The following ACSF3 variants were observed in gnomAD, a reference collection of about 807,000 sequenced individuals.
ACSF3 encodes the protein malonate--CoA ligase ACSF3, mitochondrial.
A neutral mutation model predicts 53.2 loss-of-function variants in ACSF3; 78 were observed. The ratio of observed to expected loss-of-function variants is 1.47; its 90% CI spans 1.22 to 1.77. The LOEUF (loss-of-function observed/expected upper bound fraction) is 1.77, where lower values mean the gene tolerates loss of function less well. Among genes scored for constraint, ACSF3 ranks in the 40% most tolerant of loss-of-function variants. ACSF3 has a pLI of 0.00. For missense variants in ACSF3, 937 were observed against 771.1 expected, an observed-to-expected ratio of 1.22 and a Z score of -2.55; for synonymous variants, 414 against 333.1, an observed-to-expected ratio of 1.24 and a Z score of -2.65.
chr16:89,154,027 CCT>C, intron 10 of ACSF3, 61 bp from the exon 11 acceptor site: 2 of 1,550,246 alleles, frequency 1.3e-6, no homozygotes, highest in Non-Finnish European at 1.8e-6. Flanking sequence ...CTGCTGGGCG[CCT>C]GAGTTCCTCC....
intron 8 of ACSF3, 38 bp from the exon 9 acceptor site, chr16:89,145,229 T>C (rs921350102): frequency 6.2e-7 from 1 of 1,613,724 alleles, no homozygotes. Context: ...ACCGTGGTGT[T>C]TAAGGATGGC....
intron 7 of ACSF3, chr16:89,122,249 C>T (rs959585475): frequency 5.9e-5 from 14 of 236,804 alleles, no homozygotes; most frequent in Middle Eastern, 5.2e-4. Context: ...CAGTGTGTCC[C>T]GCCTGGCCTG....
At chr16:89,105,183 ATC>A (rs1975821811) in intron 4 of ACSF3, among the ~76,000 whole-genome samples, 1 of 151,862 alleles carries the variant, frequency 6.6e-6, no homozygotes, top group Admixed American at 6.6e-5. Context: ...TTTCACAGAC[ATC>A]TCAGCCCTGA....
rs150050697 is a variant in ACSF3, at chr16:89,101,068, T to C, written c.387T>C (p.His129=). The C allele has an allele frequency of 2.5e-5, 41 of 1,614,000 alleles. No homozygotes were observed. In the African/African-American group the frequency reaches 3.3e-4, roughly 13 times the overall value. Residue 129 remains histidine, a synonymous_variant, in exon 3 of 11, where the codon CAT becomes CAC. Coordinates refer to ENST00000614302, the MANE Select transcript of ACSF3 (RefSeq NM_001243279.3). The part of the protein sequence containing the change: ...GGVAVPLYRK[H]PAAQLEYVIC... ...TGGCAGTCCCCCTCTACAGGAAGCATCCCGCGGCCCAGCTGGAGTATGTCA... is the reference window on the plus strand; with the variant it reads ...TGGCAGTCCCCCTCTACAGGAAGCACCCCGCGGCCCAGCTGGAGTATGTCA...
rs530629658 is a variant in ACSF3 at position 89,112,381 on chromosome 16, T to G, written c.977+135T>G. On this transcript the variant is annotated intron_variant, in intron 5 of 10. Coordinates refer to ENST00000614302, the MANE Select transcript of ACSF3 (RefSeq NM_001243279.3). ...TTCCTTTCAATGTTCCCTCTCTCTC[T>G]ACCCGTCTCCGTCTCTACCTCTCTA... 8 of 1,133,512 alleles carry G rather than the reference T, an allele frequency of 7.1e-6. No individual in the cohort carries two copies. In the Admixed American group the frequency reaches 1.2e-4, roughly 17 times the overall value. 70.2% of individuals were successfully genotyped at this position (1,133,512 alleles called of 1,614,324 possible). A position where few individuals can be genotyped will look rare whatever the true frequency, so the allele number is the denominator to read the frequency against.
chr16:89,149,058 G>C (rs181805168), intron 10 of ACSF3: 1 of 152,026 alleles, frequency 6.6e-6, no homozygotes, highest in Admixed American at 6.6e-5. Context: ...TCTAAGTTCC[G>C]GTTTCAGGTC....
At chr16:89,151,316 T>TG (rs1485880105) in intron 10 of ACSF3, 1 of 417,632 alleles carries the variant, frequency 2.4e-6, no homozygotes. Context: ...ATCTCAAACA[T>TG]TGAAGGCAAA....
At chr16:89,099,678 A>C (rs1975043544) in intron 2 of ACSF3, among the ~76,000 whole-genome samples, 1 of 152,096 alleles carries the variant, frequency 6.6e-6, no homozygotes, top group African/African-American at 2.4e-5. Flanking sequence ...GCTAGTCAGG[A>C]GGCTGAGGCA....
chr16:89,150,007 C>G (rs886919514), intron 10 of ACSF3: 1 of 152,184 alleles, frequency 6.6e-6, no homozygotes, highest in Admixed American at 6.5e-5. Flanking sequence ...AAGTGGCTCA[C>G]AGTTCCACAG....
chr16:89,106,208 A>T (rs1403338974), intron 4 of ACSF3, among the ~76,000 whole-genome samples: 2 of 152,072 alleles, frequency 1.3e-5, no homozygotes, highest in Non-Finnish European at 2.9e-5. Flanking sequence ...AAAGCCTCAG[A>T]CCTTCAACGG....
At chr16:89,124,144 C>A (rs1237766064) in intron 7 of ACSF3, among the ~76,000 whole-genome samples, 1 of 150,464 alleles carries the variant, frequency 6.6e-6, no homozygotes, top group African/African-American at 2.5e-5. Flanking sequence ...CATGCAGTGT[C>A]CACACAAGTA....
intron 10 of ACSF3, chr16:89,150,632 C>T (rs142914719): frequency 2.0e-5 from 5 of 244,470 alleles, no homozygotes; most frequent in Non-Finnish European, 4.1e-5. Context: ...CGGGAAGCTG[C>T]GTGCAGGGCA....
At chr16:89,138,056 A>G (rs539575816) in intron 8 of ACSF3, among the ~76,000 whole-genome samples, 3 of 152,286 alleles carry the variant, frequency 2.0e-5, no homozygotes, top group African/African-American at 7.2e-5. Flanking sequence ...CACTGGCCTC[A>G]AGAAGCGAAA....
At chr16:89,123,642 C>T (rs1327450747) in intron 7 of ACSF3, among the ~76,000 whole-genome samples, 3 of 152,080 alleles carry the variant, frequency 2.0e-5, no homozygotes, top group African/African-American at 7.3e-5. Context: ...ATGACTGTTC[C>T]TGGGCAGATG....
chr16:89,133,613 C>G (rs761772882), intron 8 of ACSF3, among the ~76,000 whole-genome samples: 6 of 152,224 alleles, frequency 3.9e-5, no homozygotes, highest in African/African-American at 1.2e-4. Context: ...GCCCTGCTGC[C>G]CCTCGTGGGC....
Position 89,114,469 on chromosome 16 carries a change from A to G in ACSF3, c.1108A>G (p.Thr370Ala), listed in dbSNP as rs754435301. Residue 370 changes from threonine (T) to alanine (A), a missense_variant, in exon 6 of 11, where the codon ACT becomes GCT. By Grantham distance (58) the Thr-to-Ala change is moderately conservative. Coordinates refer to ENST00000614302, the MANE Select transcript of ACSF3 (RefSeq NM_001243279.3). ...IGMALSGPLT[T>A]AVRLPGSVGT... is the part of the protein sequence containing the mutation. ...CATGGCTCTGTCCGGGCCCCTGACC[A>G]CTGCCGTGCGCCTGCCAGGTACGAG... The G allele has an allele frequency of 1.2e-5, 19 of 1,612,748 alleles. No individual in the cohort carries two copies. In the African/African-American group the frequency reaches 2.0e-4, roughly 17 times the overall value.
At chr16:89,123,505 G>A (rs1907167628) in intron 7 of ACSF3, among the ~76,000 whole-genome samples, 1 of 152,164 alleles carries the variant, frequency 6.6e-6, no homozygotes, top group Non-Finnish European at 1.5e-5. Flanking sequence ...GGCTGTGGCC[G>A]ACAGCTGGGC....
chr16:89,098,555 A>T (rs935489018), intron 1 of ACSF3, 36 bp from the exon 2 acceptor site: 5 of 431,346 alleles, frequency 1.2e-5, no homozygotes, highest in African/African-American at 1.0e-4. Flanking sequence ...CGTTATACAC[A>T]CAGCCTGGGA....
At chr16:89,143,995 G>T (rs1342601294) in intron 8 of ACSF3, among the ~76,000 whole-genome samples, 1 of 152,232 alleles carries the variant, frequency 6.6e-6, no homozygotes, top group Non-Finnish European at 1.5e-5. Context: ...GACAGTTGAG[G>T]CCTCAGCACT....
Sources: allele counts gnomAD v4.1 joint callset (sites outside exome capture counted in the v4.1 genomes callset), GRCh38; gene constraint gnomAD v4.1.1; transcripts MANE v1.5; gene names NCBI Gene and HGNC (gene_info 2026-07-23, HGNC 2026-07-21).